GHR: variants seen among roughly 807,000 people sequenced by gnomAD.
GHR encodes the protein growth hormone receptor.
GHR carries 35 observed loss-of-function variants against 67.1 expected under a neutral mutation model. The observed-to-expected ratio is 0.52, with a 90% CI of 0.40 to 0.69. The LOEUF is 0.69. GHR is among the 30% of genes least tolerant of loss of function. The probability of loss-of-function intolerance (pLI) is 0.00; values close to 1 mark genes in which losing one functional copy is unlikely to be tolerated. For synonymous variants in GHR, 272 were observed against 269.1 expected (o/e 1.01, Z -0.10); for missense variants, 792 against 764.6 (o/e 1.04, Z -0.42).
At chr5:42,593,062 G>A (rs1331799311) in intron 2 of GHR, among the ~76,000 whole-genome samples, 1 of 151,886 alleles carries the variant, frequency 6.6e-6, no homozygotes, top group African/African-American at 2.4e-5. Flanking sequence ...ATCTGTTCAG[G>A]GACATCATTC....
chr5:42,484,030 C>T (rs908852808), intron 1 of GHR, among the ~76,000 whole-genome samples: 68 of 152,124 alleles, frequency 4.5e-4, no homozygotes, highest in Admixed American at 3.7e-3. Flanking sequence ...TAGCTCTGTG[C>T]AGAACGAGCA....
At position 42,720,612 on chromosome 5, in the gene GHR, G is replaced by C. The variant is rs1758973219; in HGVS notation, c.*1188G>C. The C allele has an allele frequency of 6.6e-6, 1 of 152,154 alleles. No individual in the cohort carries two copies. The highest frequency in any genetic ancestry group is 6.5e-5 in the Admixed American group (1 of 15,286). The allele number at this position is 152,154 out of a possible 1,614,324, so 9.4% of individuals were successfully genotyped here. A position where few individuals can be genotyped will look rare whatever the true frequency, so the allele number is the denominator to read the frequency against. On this transcript the variant is annotated 3_prime_UTR_variant, in exon 10 of 10. Coordinates refer to ENST00000230882, the MANE Select transcript of GHR (RefSeq NM_000163.5). Reference sequence around the variant, plus strand: ...ATGAAACAAAGAGTTCAAGAAATAAGTTTTTGTTTCACAGCCTATAACCAG... The same window carrying C: ...ATGAAACAAAGAGTTCAAGAAATAACTTTTTGTTTCACAGCCTATAACCAG...
intron 1 of GHR, among the ~76,000 whole-genome samples, chr5:42,426,271 A>C (rs1371850540): frequency 6.6e-6 from 1 of 152,192 alleles, no homozygotes. Context: ...TGCAGCAGGG[A>C]AACAAATCTT....
intron 1 of GHR, among the ~76,000 whole-genome samples, chr5:42,435,311 A>G (rs1007184045): frequency 1.3e-5 from 2 of 152,304 alleles, no homozygotes; most frequent in African/African-American, 4.8e-5. Context: ...TGCCTGTATT[A>G]TTGTCACATA....
At chr5:42,570,511 G>GTATT (rs1358603965) in intron 2 of GHR, among the ~76,000 whole-genome samples, 1 of 152,138 alleles carries the variant, frequency 6.6e-6, no homozygotes, top group African/African-American at 2.4e-5. Context: ...GGAATTTCAT[G>GTATT]TATTTATTTA....
At chr5:42,639,436 C>G (rs1285589444) in intron 3 of GHR, among the ~76,000 whole-genome samples, 1 of 152,194 alleles carries the variant, frequency 6.6e-6, no homozygotes. Context: ...TTCACTGCCG[C>G]AGGTTATCTT....
At chr5:42,576,419 G>T (rs558194776) in intron 2 of GHR, among the ~76,000 whole-genome samples, 5 of 152,142 alleles carry the variant, frequency 3.3e-5, no homozygotes, top group African/African-American at 1.2e-4. Flanking sequence ...ATTATAGGGA[G>T]CGCTATACAA....
intron 3 of GHR, chr5:42,646,427 A>G: frequency 2.5e-6 from 1 of 407,706 alleles, no homozygotes; most frequent in South Asian, 1.9e-5. Flanking sequence ...GTTAGTGTAC[A>G]TCACCCATAA....
At chr5:42,615,415 T>C (rs1228279575) in intron 2 of GHR, among the ~76,000 whole-genome samples, 1 of 152,078 alleles carries the variant, frequency 6.6e-6, no homozygotes, top group African/African-American at 2.4e-5. Context: ...CCTGACTAGA[T>C]TGTAACTTCT....
chr5:42,663,909 A>C (rs879450997), intron 3 of GHR, among the ~76,000 whole-genome samples: 318 of 152,338 alleles, frequency 2.1e-3, no homozygotes, highest in Admixed American at 3.9e-3. Flanking sequence ...TCAGGATACA[A>C]AATCAATGTG....
At chr5:42,437,882 A>G (rs1207598828) in intron 1 of GHR, among the ~76,000 whole-genome samples, 1 of 151,544 alleles carries the variant, frequency 6.6e-6, no homozygotes, top group Non-Finnish European at 1.5e-5. Flanking sequence ...AAAAAAAAAA[A>G]GCAAACAAAA....
At chr5:42,601,809 C>G (rs1321035073) in intron 2 of GHR, among the ~76,000 whole-genome samples, 5 of 152,040 alleles carry the variant, frequency 3.3e-5, no homozygotes, top group Non-Finnish European at 7.4e-5. Flanking sequence ...CCTTATCTTT[C>G]ATTCACCTTT....
At chr5:42,636,073 G>A (rs1305169758) in intron 3 of GHR, among the ~76,000 whole-genome samples, 4 of 151,796 alleles carry the variant, frequency 2.6e-5, no homozygotes, top group Admixed American at 1.3e-4. Context: ...AGCCGGGCGT[G>A]GTGGCGGGCG....
At chr5:42,483,098 T>C (rs1226260716) in intron 1 of GHR, among the ~76,000 whole-genome samples, 1 of 152,224 alleles carries the variant, frequency 6.6e-6, no homozygotes, top group African/African-American at 2.4e-5. Context: ...AGACAGGGTC[T>C]CACTTTGTCA....
chr5:42,646,191 G>C, intron 3 of GHR: 1 of 264,798 alleles, frequency 3.8e-6, no homozygotes, highest in Non-Finnish European at 7.7e-6. Flanking sequence ...AAGCAAGAGA[G>C]AGGTACACTG....
chr5:42,660,554 T>A (rs1011896947), intron 3 of GHR, among the ~76,000 whole-genome samples: 1 of 152,180 alleles, frequency 6.6e-6, no homozygotes, highest in African/African-American at 2.4e-5. Flanking sequence ...GAGGGTCCTG[T>A]CTGTTAGAAG....
At chr5:42,499,088 G>T (rs192425291) in intron 1 of GHR, among the ~76,000 whole-genome samples, 1 of 152,350 alleles carries the variant, frequency 6.6e-6, no homozygotes, top group Non-Finnish European at 1.5e-5. Flanking sequence ...TGCCAGTGAA[G>T]AGTGGCAACT....
chr5:42,434,370 T>C (rs544482011), intron 1 of GHR, among the ~76,000 whole-genome samples: 1 of 152,184 alleles, frequency 6.6e-6, no homozygotes, highest in South Asian at 2.1e-4. Flanking sequence ...TTTTGGTGCC[T>C]GAAGTCAGAA....
chr5:42,719,568 G>T lies in GHR; in HGVS notation c.*144G>T. ...ATTCTAAAATGCCTTTTCCCAAAAT[G>T]TTGAAATATGATGTTAAAAAAATAA... On this transcript the variant is annotated 3_prime_UTR_variant, in exon 10 of 10. Transcript: ENST00000230882. 1 of 758,278 alleles carries T rather than the reference G, an allele frequency of 1.3e-6. No homozygotes were observed. The highest frequency in any genetic ancestry group is 2.3e-6 in the Non-Finnish European group (1 of 426,284). The allele number at this position is 758,278 out of a possible 1,614,324, so 47.0% of individuals were successfully genotyped here.
Sources: gnomAD v4.1 joint callset for allele counts (sites outside exome capture counted in the v4.1 genomes callset) on GRCh38, gnomAD v4.1.1 for gene constraint, MANE v1.5 for transcripts, NCBI Gene and HGNC (gene_info 2026-07-23, HGNC 2026-07-21) for gene names.